The following PLXDC2 variants were observed in gnomAD, a reference collection of about 807,000 sequenced individuals.
PLXDC2 encodes plexin domain containing 2, also known as plexin domain-containing protein 2.
A neutral mutation model predicts 68.9 loss-of-function variants in PLXDC2; 40 were observed. That is an observed-to-expected ratio of 0.58 (90% CI 0.45 to 0.76). The LOEUF is 0.76. Among genes scored for constraint, PLXDC2 ranks in the 30% least tolerant of loss-of-function variants. The probability of loss-of-function intolerance (pLI) is 0.00; values close to 1 mark genes in which losing one functional copy is unlikely to be tolerated. For synonymous variants in PLXDC2, 243 were observed against 234.2 expected (o/e 1.04, Z -0.34); for missense variants, 644 against 661.9 (o/e 0.97, Z 0.30).
At chr10:20,191,927 C>A (rs1201610662) in intron 9 of PLXDC2, among the ~76,000 whole-genome samples, 1 of 151,940 alleles carries the variant, frequency 6.6e-6, no homozygotes, top group Non-Finnish European at 1.5e-5. Context: ...TTTATAATAG[C>A]TACCTTTTAT....
rs746637286 is a variant in PLXDC2 at position 20,147,737 on chromosome 10, G to A, written c.665-47G>A. On this transcript the variant is annotated intron_variant, in intron 5 of 13. Transcript: ENST00000377252. ...GTGAAAACTCCCACCAGAATTGATT[G>A]GTATGTTTTTCTCATTGCATTTCTT... is the stretch of plus-strand genomic sequence containing the variant. 8 of 1,184,622 alleles carry A rather than the reference G, an allele frequency of 6.8e-6. No homozygotes were observed. In the East Asian group the frequency reaches 2.0e-4, roughly 29 times the overall value. 73.4% of individuals were successfully genotyped at this position (1,184,622 alleles called of 1,614,324 possible).
intron 2 of PLXDC2, among the ~76,000 whole-genome samples, chr10:20,016,626 G>A (rs1250475923): frequency 6.6e-6 from 1 of 152,190 alleles, no homozygotes; most frequent in Non-Finnish European, 1.5e-5. Context: ...TGGCCATGGT[G>A]TCAAAATCTG....
chr10:19,840,638 G>A (rs1836886811), intron 1 of PLXDC2, among the ~76,000 whole-genome samples: 1 of 152,036 alleles, frequency 6.6e-6, no homozygotes, highest in African/African-American at 2.4e-5. Context: ...CAGCCACAAT[G>A]TATACATTCT....
At chr10:19,853,656 G>C (rs1007204291) in intron 1 of PLXDC2, among the ~76,000 whole-genome samples, 1 of 149,602 alleles carries the variant, frequency 6.7e-6, no homozygotes, top group Admixed American at 6.7e-5. Flanking sequence ...TTTGGGTGGG[G>C]GGGGGGTTGC....
At chr10:20,042,580 T>G (rs926150310) in intron 2 of PLXDC2, among the ~76,000 whole-genome samples, 1 of 87,182 alleles carries the variant, frequency 1.1e-5, no homozygotes, top group African/African-American at 4.3e-5. Flanking sequence ...ACAATATTTA[T>G]TTGATCTTTT....
At chr10:19,927,713 C>CAAAAAAAAAAAAAAA (rs35250324) in intron 1 of PLXDC2, among the ~76,000 whole-genome samples, 179 of 53,170 alleles carry the variant, frequency 3.4e-3, no homozygotes, top group Admixed American at 5.2e-3. Flanking sequence ...GGAAAAAAAG[C>CAAAAAAAAAAAAAAA]AAAAAAAAAA....
At chr10:20,002,818 T>C (rs1834964848) in intron 2 of PLXDC2, among the ~76,000 whole-genome samples, 1 of 152,138 alleles carries the variant, frequency 6.6e-6, no homozygotes, top group Non-Finnish European at 1.5e-5. Flanking sequence ...AAATTTCCTC[T>C]GCAGTGGCTG....
At chr10:19,854,821 T>C (rs1042736437) in intron 1 of PLXDC2, among the ~76,000 whole-genome samples, 28 of 152,178 alleles carry the variant, frequency 1.8e-4, no homozygotes, top group African/African-American at 6.3e-4. Context: ...CCAGTCCTGA[T>C]AGTTTATGGA....
intron 9 of PLXDC2, among the ~76,000 whole-genome samples, chr10:20,200,102 C>A (rs947056582): frequency 1.1e-4 from 17 of 151,670 alleles, no homozygotes; most frequent in African/African-American, 3.9e-4. Flanking sequence ...GGTTGGAAGA[C>A]TTCACTATGT....
At chr10:19,905,223 G>T (rs561626641) in intron 1 of PLXDC2, among the ~76,000 whole-genome samples, 1 of 152,254 alleles carries the variant, frequency 6.6e-6, no homozygotes, top group South Asian at 2.1e-4. Context: ...TGTATGAATG[G>T]GTTCTTGGAT....
chr10:19,930,304 G>A (rs1009244083), intron 1 of PLXDC2, among the ~76,000 whole-genome samples: 8 of 152,126 alleles, frequency 5.3e-5, no homozygotes, highest in African/African-American at 1.9e-4. Context: ...ATTTATAGAA[G>A]GATAGAAACT....
chr10:19,987,715 C>T (rs138830770), intron 1 of PLXDC2, among the ~76,000 whole-genome samples: 2,729 of 151,936 alleles, frequency 0.018, 95 homozygotes, highest in African/African-American at 0.063. Context: ...GCGCCCGCCA[C>T]CACCCCCGGC....
chr10:19,979,486 C>G (rs1834513719), intron 1 of PLXDC2, among the ~76,000 whole-genome samples: 1 of 151,260 alleles, frequency 6.6e-6, no homozygotes, highest in Non-Finnish European at 1.5e-5. Flanking sequence ...TCAAGTGGTT[C>G]TCCTGCCTCA....
Position 19,817,008 on chromosome 10 carries a change from G to A in PLXDC2, c.-72G>A. The A allele has an allele frequency of 1.7e-6, 2 of 1,176,214 alleles. No individual in the cohort carries two copies. The highest frequency in any genetic ancestry group is 2.4e-6 in the Non-Finnish European group (2 of 818,966). The allele number at this position is 1,176,214 out of a possible 1,614,324, so 72.9% of individuals were successfully genotyped here. On this transcript the variant is annotated 5_prime_UTR_variant, in exon 1 of 14. Coordinates refer to ENST00000377252, the MANE Select transcript of PLXDC2 (RefSeq NM_032812.9). Reference sequence around the variant, plus strand: ...GATCCGCAGCGTTTGGCCCGGTCGTGCCTATTGCATCGGGAGCCCCCGAGC... The same window carrying A: ...GATCCGCAGCGTTTGGCCCGGTCGTACCTATTGCATCGGGAGCCCCCGAGC...
intron 4 of PLXDC2, among the ~76,000 whole-genome samples, chr10:20,091,948 A>T (rs1229192077): frequency 6.6e-6 from 1 of 152,230 alleles, no homozygotes; most frequent in Non-Finnish European, 1.5e-5. Flanking sequence ...GCACCTAGGC[A>T]AATGCCTATC....
chr10:19,998,999 T>G (rs1421782333), intron 1 of PLXDC2, among the ~76,000 whole-genome samples: 3 of 152,188 alleles, frequency 2.0e-5, no homozygotes, highest in Admixed American at 6.5e-5. Flanking sequence ...AATTTCAACT[T>G]AAGTGGGAAA....
intron 1 of PLXDC2, among the ~76,000 whole-genome samples, chr10:19,847,241 T>TTCA (rs1458021741): frequency 6.6e-6 from 1 of 152,192 alleles, no homozygotes; most frequent in Non-Finnish European, 1.5e-5. Context: ...GTATAAAGTG[T>TTCA]TTGAATGTGC....
chr10:20,240,140 T>C (rs1412560), intron 12 of PLXDC2, among the ~76,000 whole-genome samples: 135,753 of 152,160 alleles, frequency 0.89, 61,192 homozygotes, highest in African/African-American at 0.97. Context: ...TCCGTATGTA[T>C]TCAATGTTTA....
At chr10:20,205,681 T>A (rs1224330662) in intron 9 of PLXDC2, among the ~76,000 whole-genome samples, 2 of 152,164 alleles carry the variant, frequency 1.3e-5, no homozygotes, top group Non-Finnish European at 2.9e-5. Flanking sequence ...GCATACCATG[T>A]ACCAGAGGTA....
Sources: allele counts gnomAD v4.1 joint callset (sites outside exome capture counted in the v4.1 genomes callset), GRCh38; gene constraint gnomAD v4.1.1; transcripts MANE v1.5; gene names NCBI Gene and HGNC (gene_info 2026-07-23, HGNC 2026-07-21).